The following PTPRD variants were observed in gnomAD, a reference collection of about 807,000 sequenced individuals.
The protein encoded by PTPRD is protein tyrosine phosphatase receptor type D.
Under a neutral mutation model 214.5 loss-of-function variants are expected in PTPRD, and 34 were observed. The ratio of observed to expected loss-of-function variants is 0.16; its 90% CI spans 0.12 to 0.21. PTPRD has a LOEUF of 0.21. PTPRD is among the 10% of genes least tolerant of loss of function. The pLI is 1.00. For synonymous variants in PTPRD, 1,128 were observed against 845.7 expected (o/e 1.33, Z -5.79); for missense variants, 2,545 against 2,398.7 (o/e 1.06, Z -1.27).
chr9:8,768,472 T>G (rs553117013), intron 11 of PTPRD, among the ~76,000 whole-genome samples: 3 of 152,242 alleles, frequency 2.0e-5, no homozygotes, highest in African/African-American at 7.2e-5. Context: ...AAGAATCTCT[T>G]GAGCCCAGAG....
intron 39 of PTPRD, among the ~76,000 whole-genome samples, chr9:8,369,430 A>G (rs927008842): frequency 2.0e-5 from 3 of 151,732 alleles, no homozygotes; most frequent in Non-Finnish European, 4.4e-5. Context: ...ATTGGAACTT[A>G]GGAGTTTTTA....
intron 12 of PTPRD, among the ~76,000 whole-genome samples, chr9:8,668,898 A>G (rs914803451): frequency 6.6e-6 from 1 of 152,154 alleles, no homozygotes; most frequent in Non-Finnish European, 1.5e-5. Context: ...ACAATTACAT[A>G]CCTTGAGCTC....
chr9:9,730,914 A>C (rs188666617), intron 7 of PTPRD, among the ~76,000 whole-genome samples: 7 of 152,290 alleles, frequency 4.6e-5, no homozygotes, highest in Admixed American at 2.0e-4. Flanking sequence ...CTTTGAGTGT[A>C]CATCATTGTG....
intron 9 of PTPRD, among the ~76,000 whole-genome samples, chr9:9,371,074 T>C (rs568674326): frequency 7.3e-6 from 1 of 137,502 alleles, no homozygotes; most frequent in Non-Finnish European, 1.5e-5. Context: ...TAAAATTCTC[T>C]TTTTTTGTTT....
intron 5 of PTPRD, among the ~76,000 whole-genome samples, chr9:9,804,294 T>G (rs1284591092): frequency 6.6e-6 from 1 of 152,092 alleles, no homozygotes; most frequent in East Asian, 1.9e-4. Context: ...TACACTGCAC[T>G]GAATTTCCCA....
chr9:8,385,940 C>G (rs1029517484), intron 37 of PTPRD, among the ~76,000 whole-genome samples: 3 of 152,146 alleles, frequency 2.0e-5, no homozygotes, highest in African/African-American at 7.2e-5. Context: ...GGTCAGGATT[C>G]ATCGTCAACC....
intron 8 of PTPRD, among the ~76,000 whole-genome samples, chr9:9,519,910 C>T (rs2096925174): frequency 6.6e-6 from 1 of 151,952 alleles, no homozygotes; most frequent in Non-Finnish European, 1.5e-5. Flanking sequence ...CTGATGATCA[C>T]ATCTTATAAA....
At chr9:8,677,399 C>T (rs2097448475) in intron 12 of PTPRD, among the ~76,000 whole-genome samples, 1 of 152,050 alleles carries the variant, frequency 6.6e-6, no homozygotes, top group Non-Finnish European at 1.5e-5. Context: ...GGCCATTATC[C>T]CAAGTGAACT....
At chr9:9,942,175 C>T (rs370525678) in intron 4 of PTPRD, among the ~76,000 whole-genome samples, 25 of 152,076 alleles carry the variant, frequency 1.6e-4, no homozygotes, top group African/African-American at 5.8e-4. Context: ...TGTGTCTTTG[C>T]AAAATTTCCT....
At chr9:9,812,227 G>T (rs1047204666) in intron 5 of PTPRD, among the ~76,000 whole-genome samples, 1 of 152,024 alleles carries the variant, frequency 6.6e-6, no homozygotes, top group African/African-American at 2.4e-5. Flanking sequence ...CAAAAATTTT[G>T]TATCACTCAC....
At chr9:10,025,598 G>A (rs569324564) in intron 4 of PTPRD, among the ~76,000 whole-genome samples, 1 of 152,282 alleles carries the variant, frequency 6.6e-6, no homozygotes, top group African/African-American at 2.4e-5. Context: ...TAGAATGGGT[G>A]TTTGGCTGAG....
rs552417465 is a variant in PTPRD at position 10,010,540 on chromosome 9, C to T, written c.-472+23178G>A. 5.3e-5 allele frequency among the ~76,000 whole-genome samples: 8 copies of T among 151,880 alleles called. 1 individual carries two copies. Among genetic ancestry groups the T allele is most frequent in the Admixed American group, 5.3e-4 (8 of 15,190 alleles). ...GATGAGTTCCATAGGATGAGTTCCACACCTGGGTCAGTGTAGTGTACCTTC... is the reference window on the plus strand; with the variant it reads ...GATGAGTTCCATAGGATGAGTTCCATACCTGGGTCAGTGTAGTGTACCTTC... On this transcript the variant is annotated intron_variant, in intron 4 of 45. Transcript: ENST00000381196.
At chr9:8,561,953 T>G (rs2086568215) in intron 14 of PTPRD, among the ~76,000 whole-genome samples, 1 of 152,134 alleles carries the variant, frequency 6.6e-6, no homozygotes, top group Non-Finnish European at 1.5e-5. Context: ...ATCACTAGAA[T>G]GTTACTTATA....
At chr9:9,059,767 T>C (rs1010302113) in intron 10 of PTPRD, among the ~76,000 whole-genome samples, 26 of 152,106 alleles carry the variant, frequency 1.7e-4, no homozygotes, top group African/African-American at 6.3e-4. Context: ...AAATAAATTA[T>C]ATTTTTCACA....
chr9:9,177,251 TGAAAA>T (rs2131262241), intron 10 of PTPRD, among the ~76,000 whole-genome samples: 1 of 152,078 alleles, frequency 6.6e-6, no homozygotes, highest in African/African-American at 2.4e-5. Context: ...GAACTCACTC[TGAAAA>T]GAAAACAGCA....
chr9:10,176,171 T>G (rs1736144534), intron 3 of PTPRD, among the ~76,000 whole-genome samples: 1 of 152,022 alleles, frequency 6.6e-6, no homozygotes, highest in Admixed American at 6.6e-5. Flanking sequence ...TGCTTTGTAT[T>G]AACCTTTTAA....
rs775423272 is a variant in PTPRD, at chr9:8,636,772, T to C, written c.137A>G (p.Gln46Arg). 1 of 1,614,156 alleles carries C rather than the reference T, an allele frequency of 6.2e-7. No individual in the cohort carries two copies. The highest frequency in any genetic ancestry group is 8.5e-7 in the Non-Finnish European group (1 of 1,180,004). Residue 46 changes from glutamine to arginine, a missense_variant, in exon 13 of 46, where the codon CAA becomes CGA. Physicochemically the swap from Gln to Arg is conservative, Grantham distance 43. Transcript: ENST00000381196. The stretch of plus-strand genomic sequence containing the variant: ...TTTAGGTCTTGGGTCTCCCGTAGCT[T>C]GGCAGATGAAAGAGGCAACTCCGCC... ...VSGGVASFIC[Q>R]ATGDPRPKIV...
chr9:8,319,767 C>T (rs1354626959), intron 45 of PTPRD, 64 bp downstream of exon 45: 7 of 1,593,822 alleles, frequency 4.4e-6, no homozygotes, highest in Middle Eastern at 1.7e-4. Context: ...GTATGGAGTC[C>T]GGGAGGTCCA....
chr9:9,859,549 C>T (rs923688111), intron 5 of PTPRD, among the ~76,000 whole-genome samples: 7 of 152,264 alleles, frequency 4.6e-5, no homozygotes, highest in African/African-American at 1.4e-4. Flanking sequence ...TTTAGATTCC[C>T]ACATAACTCC....
Sources: gnomAD v4.1 joint callset for allele counts (sites outside exome capture counted in the v4.1 genomes callset) on GRCh38, gnomAD v4.1.1 for gene constraint, MANE v1.5 for transcripts, NCBI Gene and HGNC (gene_info 2026-07-23, HGNC 2026-07-21) for gene names.